IL23R: variants seen among roughly 807,000 people sequenced by gnomAD.
IL23R encodes interleukin-23 receptor.
In IL23R, 34 loss-of-function variants were observed where a neutral mutation model predicts 56.9. The observed-to-expected ratio is 0.60, with a 90% CI of 0.45 to 0.80. The LOEUF (loss-of-function observed/expected upper bound fraction) is 0.80, where lower values mean the gene tolerates loss of function less well. Ranked by LOEUF, IL23R falls within the 30% of genes least tolerant of loss-of-function variation. IL23R has a pLI of 0.00. For synonymous variants in IL23R, 230 were observed against 249.2 expected (o/e 0.92, Z 0.73); for missense variants, 635 against 730.0 (o/e 0.87, Z 1.50).
intron 7 of IL23R, among the ~76,000 whole-genome samples, chr1:67,221,281 A>T (rs1650233723): frequency 6.6e-6 from 1 of 152,184 alleles, no homozygotes; most frequent in South Asian, 2.1e-4. Context: ...AGATCGCGCC[A>T]CTGCACTCCA....
intron 5 of IL23R, among the ~76,000 whole-genome samples, chr1:67,202,362 C>T (rs972366701): frequency 6.6e-6 from 1 of 152,004 alleles, no homozygotes; most frequent in Non-Finnish European, 1.5e-5. Context: ...CCACCATGCC[C>T]AGCTGATCTA....
At position 67,227,991 on chromosome 1, in the gene IL23R, TTTC is replaced by T. The variant is rs1650769602; in HGVS notation, c.955+8264_955+8266del. Among the ~76,000 whole-genome samples the T allele has an allele frequency of 2.0e-5, 2 of 100,186 alleles. 1 individual carries two copies. Among genetic ancestry groups the T allele is most frequent in the African/African-American group, 8.3e-5 (2 of 23,978 alleles). 65.7% of individuals were successfully genotyped at this position (100,186 alleles called of 152,430 possible). On this transcript the variant is annotated intron_variant, in intron 7 of 10. Coordinates refer to ENST00000347310, the MANE Select transcript of IL23R (RefSeq NM_144701.3). Reference sequence around the variant, plus strand: ...CTTTCTTTCTTTCTTTCTTTCTTTCTTTCTTTCTTTCTTTCTTTCTTTCTTTCT... The same window carrying T: ...CTTTCTTTCTTTCTTTCTTTCTTTCTTTTCTTTCTTTCTTTCTTTCTTTCT...
Position 67,217,575 on chromosome 1 carries a change from G to A in IL23R, c.799-1999G>A, listed in dbSNP as rs192574457. Among the ~76,000 whole-genome samples the A allele has an allele frequency of 9.2e-5, 14 of 151,878 alleles. No homozygotes were observed. In the East Asian group the frequency reaches 2.7e-3, roughly 30 times the overall value. On this transcript the variant is annotated intron_variant, in intron 6 of 10. Transcript: ENST00000347310. ...AGTGCATTTGAGAGTCAAATCTTTGGCACAGTAAGTAAAATTTCTCTAGAT... is the reference window on the plus strand; with the variant it reads ...AGTGCATTTGAGAGTCAAATCTTTGACACAGTAAGTAAAATTTCTCTAGAT...
intron 9 of IL23R, among the ~76,000 whole-genome samples, chr1:67,251,497 C>G (rs1652622727): frequency 6.6e-6 from 1 of 151,680 alleles, no homozygotes; most frequent in South Asian, 2.1e-4. Context: ...TTAAATATAC[C>G]TATAGCTTGG....
chr1:67,182,336 C>T (rs559674269), intron 3 of IL23R, among the ~76,000 whole-genome samples: 91 of 152,282 alleles, frequency 6.0e-4, no homozygotes, highest in African/African-American at 1.8e-3. Context: ...TCAGCAATGG[C>T]GGGCACCCCT....
chr1:67,159,965 A>G (rs17129678), intron 1 of IL23R, among the ~76,000 whole-genome samples: 2,919 of 152,286 alleles, frequency 0.019, 85 homozygotes, highest in African/African-American at 0.066. Context: ...ATAAGAATGT[A>G]TAACTTGGAT....
chr1:67,212,368 G>A (rs1269301853), intron 6 of IL23R, among the ~76,000 whole-genome samples: 8 of 152,140 alleles, frequency 5.3e-5, no homozygotes, highest in Admixed American at 5.2e-4. Flanking sequence ...AAGAGGAGTG[G>A]GAGGATACCA....
chr1:67,223,659 A>AT (rs967968013), intron 7 of IL23R, among the ~76,000 whole-genome samples: 3 of 151,880 alleles, frequency 2.0e-5, no homozygotes, highest in Admixed American at 1.3e-4. Flanking sequence ...TTTCCTATGC[A>AT]TTTTTTTAAT....
intron 7 of IL23R, among the ~76,000 whole-genome samples, chr1:67,229,722 T>C (rs895175902): frequency 2.0e-5 from 3 of 152,230 alleles, no homozygotes; most frequent in African/African-American, 7.2e-5. Context: ...TTAGGACTTG[T>C]ATGCCAGAAA....
At chr1:67,209,463 A>G (rs950398081) in intron 6 of IL23R, among the ~76,000 whole-genome samples, 1 of 152,244 alleles carries the variant, frequency 6.6e-6, no homozygotes, top group Admixed American at 6.5e-5. Flanking sequence ...TCTTTCCCAT[A>G]CTATTCTCAT....
upstream of IL23R, among the ~76,000 whole-genome samples, chr1:67,164,987 T>C (rs1646858381): frequency 6.6e-6 from 1 of 152,178 alleles, no homozygotes. Context: ...ACTGGCAGAT[T>C]GCTTGAGTTC....
chr1:67,264,903 G>A (rs1653295256), downstream of IL23R, among the ~76,000 whole-genome samples: 2 of 152,140 alleles, frequency 1.3e-5, no homozygotes, highest in Admixed American at 1.3e-4. Flanking sequence ...TTTTTGTCTG[G>A]GGTAGTAAAA....
intron 9 of IL23R, among the ~76,000 whole-genome samples, chr1:67,244,757 G>T (rs6664583): frequency 1.0e-3 from 159 of 151,966 alleles, no homozygotes; most frequent in Non-Finnish European, 1.9e-3. Context: ...ATGCCTCCAG[G>T]TTTGTTCTTT....
At chr1:67,201,746 T>C (rs952358295) in intron 5 of IL23R, among the ~76,000 whole-genome samples, 23 of 152,274 alleles carry the variant, frequency 1.5e-4, no homozygotes, top group African/African-American at 4.1e-4. Context: ...TATGTAGACC[T>C]CTCTATGTTC....
chr1:67,240,420 T>C, intron 9 of IL23R, 139 bp downstream of exon 9: 1 of 677,510 alleles, frequency 1.5e-6, no homozygotes, highest in Admixed American at 2.2e-5. Flanking sequence ...GAACAATGTT[T>C]AATAAGTACT....
At chr1:67,168,914 C>G (rs1177819265) in intron 2 of IL23R, among the ~76,000 whole-genome samples, 1 of 151,986 alleles carries the variant, frequency 6.6e-6, no homozygotes, top group Non-Finnish European at 1.5e-5. Flanking sequence ...AATCCCAGCA[C>G]TTTGGGAGGC....
At chr1:67,229,107 A>C (rs1048031767) in intron 7 of IL23R, among the ~76,000 whole-genome samples, 4 of 152,172 alleles carry the variant, frequency 2.6e-5, no homozygotes, top group African/African-American at 9.7e-5. Flanking sequence ...TTCTGGCACT[A>C]TCTGCCTAGA....
chr1:67,156,589 C>T (rs570762048), intron 1 of IL23R, among the ~76,000 whole-genome samples: 6 of 152,322 alleles, frequency 3.9e-5, no homozygotes, highest in African/African-American at 1.2e-4. Context: ...TAGTCCAAAC[C>T]TCCCAGTCTC....
rs530763696 is a variant in IL23R at position 67,223,654 on chromosome 1, T to C, written c.955+3924T>C. Among the ~76,000 whole-genome samples the C allele has an allele frequency of 7.9e-5, 12 of 152,352 alleles. No individual in the cohort carries two copies. In the South Asian group the frequency reaches 1.2e-3, roughly 16 times the overall value. On this transcript the variant is annotated intron_variant, in intron 7 of 10. Coordinates refer to ENST00000347310, the MANE Select transcript of IL23R (RefSeq NM_144701.3). The stretch of plus-strand genomic sequence containing the variant: ...TATTTAATTTAATACTAGTTTTTCC[T>C]ATGCATTTTTTTAATGTTTGGGGCT...
Sources: allele counts gnomAD v4.1 joint callset (sites outside exome capture counted in the v4.1 genomes callset), GRCh38; gene constraint gnomAD v4.1.1; transcripts MANE v1.5; gene names NCBI Gene and HGNC (gene_info 2026-07-23, HGNC 2026-07-21).